The following POU2F1 variants were observed in gnomAD, a reference collection of about 807,000 sequenced individuals.
POU2F1 encodes the protein POU domain, class 2, transcription factor 1.
POU2F1 carries 16 observed loss-of-function variants against 84.9 expected under a neutral mutation model. The ratio of observed to expected loss-of-function variants is 0.19; its 90% CI spans 0.13 to 0.29. The LOEUF is 0.29. Ranked by LOEUF, POU2F1 falls within the 10% of genes least tolerant of loss-of-function variation. POU2F1 has a pLI of 1.00. For missense variants in POU2F1, 738 were observed against 942.6 expected (o/e 0.78, Z 2.84); for synonymous variants, 368 against 368.3 (o/e 1.00, Z 0.01).
chr1:167,321,478 T>TTAA (rs751553481), intron 1 of POU2F1, among the ~76,000 whole-genome samples: 31 of 152,324 alleles, frequency 2.0e-4, no homozygotes, highest in Non-Finnish European at 4.1e-4. Flanking sequence ...TATAACTGAA[T>TTAA]TAATGGCCCT....
intron 7 of POU2F1, chr1:167,379,823 A>G (rs1449962161): frequency 6.6e-6 from 1 of 152,208 alleles, no homozygotes; most frequent in East Asian, 1.9e-4. Flanking sequence ...TTTTATTTCA[A>G]TTTTATTTGT....
At chr1:167,298,146 A>G (rs889726857) in intron 1 of POU2F1, among the ~76,000 whole-genome samples, 2 of 152,040 alleles carry the variant, frequency 1.3e-5, no homozygotes, top group Non-Finnish European at 2.9e-5. Flanking sequence ...CAACAACAAC[A>G]ACAACAAAAA....
intron 8 of POU2F1, among the ~76,000 whole-genome samples, chr1:167,385,152 T>G (rs1029568486): frequency 2.6e-5 from 4 of 152,040 alleles, no homozygotes; most frequent in Non-Finnish European, 5.9e-5. Context: ...GTTCTATAGT[T>G]GAAAACTATA....
intron 7 of POU2F1, among the ~76,000 whole-genome samples, chr1:167,377,715 G>A (rs1660423679): frequency 6.6e-6 from 1 of 152,174 alleles, no homozygotes; most frequent in East Asian, 1.9e-4. Context: ...GGTTTGTTAT[G>A]TAGATAAACT....
intron 1 of POU2F1, among the ~76,000 whole-genome samples, chr1:167,323,294 C>T (rs1320013400): frequency 6.6e-6 from 1 of 152,122 alleles, no homozygotes; most frequent in East Asian, 1.9e-4. Context: ...TTTAATAGAG[C>T]TACACAAAGA....
intron 1 of POU2F1, among the ~76,000 whole-genome samples, chr1:167,240,263 T>A (rs907832146): frequency 6.6e-6 from 1 of 152,196 alleles, no homozygotes; most frequent in African/African-American, 2.4e-5. Context: ...TGTGAAGATA[T>A]GAACCCTGAC....
chr1:167,318,714 G>A (rs1294578213), intron 1 of POU2F1, among the ~76,000 whole-genome samples: 6 of 152,072 alleles, frequency 3.9e-5, no homozygotes, highest in Non-Finnish European at 8.8e-5. Context: ...AAACAGATAG[G>A]CGGACATTCA....
At chr1:167,227,650 G>A (rs1389289814) in intron 1 of POU2F1, among the ~76,000 whole-genome samples, 3 of 152,110 alleles carry the variant, frequency 2.0e-5, no homozygotes, top group Non-Finnish European at 4.4e-5. Context: ...TACCATCCTA[G>A]TCTATAAAAG....
chr1:167,377,483 A>C (rs1307593578), intron 7 of POU2F1, among the ~76,000 whole-genome samples: 1 of 152,206 alleles, frequency 6.6e-6, no homozygotes, highest in East Asian at 1.9e-4. Context: ...GCTACTCAGG[A>C]GGCTGAGGCA....
In POU2F1 at chr1:167,365,521, C is replaced by G. The variant is rs147145536; in HGVS notation, c.182C>G (p.Ala61Gly). The change falls in exon 3 of 16, where the codon GCA (alanine) becomes GGA (glycine). Residue 61 changes from alanine to glycine, a missense_variant. Physicochemically the swap from Ala to Gly is moderately conservative, Grantham distance 60. Coordinates refer to ENST00000367866, the MANE Select transcript of POU2F1 (RefSeq NM_002697.4). The stretch of plus-strand genomic sequence containing the variant: ...AAGCAGCCTGTGCCTGTAGGAGGAG[C>G]AATCTCAACAGCCCAGGCGCAGGCT... The part of the protein sequence containing the change: ...FQKQPVPVGG[A>G]ISTAQAQAFL... The G allele has an allele frequency of 6.2e-7, 1 of 1,602,884 alleles. No homozygotes were observed. The highest frequency in any genetic ancestry group is 8.5e-7 in the Non-Finnish European group (1 of 1,175,180).
intron 1 of POU2F1, among the ~76,000 whole-genome samples, chr1:167,274,786 C>T (rs370044729): frequency 7.9e-5 from 12 of 152,230 alleles, no homozygotes; most frequent in African/African-American, 2.9e-4. Flanking sequence ...AGTAAAGTTA[C>T]GCTTTCTTGT....
At chr1:167,252,051 C>T (rs746505225) in intron 1 of POU2F1, among the ~76,000 whole-genome samples, 2 of 150,942 alleles carry the variant, frequency 1.3e-5, no homozygotes, top group African/African-American at 2.4e-5. Context: ...TAGTAGAGAC[C>T]GGGTTTCACC....
At chr1:167,366,578 G>C (rs1156452014) in intron 3 of POU2F1, among the ~76,000 whole-genome samples, 1 of 152,104 alleles carries the variant, frequency 6.6e-6, no homozygotes, top group Non-Finnish European at 1.5e-5. Context: ...AGACTCAAAT[G>C]GATATCATGT....
intron 1 of POU2F1, among the ~76,000 whole-genome samples, chr1:167,233,454 C>A (rs1350603271): frequency 6.6e-6 from 1 of 152,048 alleles, no homozygotes; most frequent in African/African-American, 2.4e-5. Context: ...TTTTTAAATA[C>A]ACAAATACTT....
chr1:167,396,503 A>G (rs1648817588), intron 10 of POU2F1, 76 bp downstream of exon 10: 7 of 1,454,932 alleles, frequency 4.8e-6, no homozygotes, highest in South Asian at 1.3e-5. Context: ...ATTGGGGTTT[A>G]TATTTCTTAC....
intron 1 of POU2F1, among the ~76,000 whole-genome samples, chr1:167,307,538 A>T (rs1288796980): frequency 6.6e-6 from 1 of 151,252 alleles, no homozygotes; most frequent in African/African-American, 2.4e-5. Context: ...CTGTTTTTTT[A>T]AATTTCAAAA....
At chr1:167,241,364 T>C (rs989082049) in intron 1 of POU2F1, 19 of 152,162 alleles carry the variant, frequency 1.2e-4, no homozygotes. Flanking sequence ...AAATATTTCG[T>C]TTTAAAAGGA....
intron 2 of POU2F1, among the ~76,000 whole-genome samples, chr1:167,352,134 C>T (rs1283371828): frequency 6.6e-6 from 1 of 152,162 alleles, no homozygotes; most frequent in Non-Finnish European, 1.5e-5. Context: ...GCTGTTATCA[C>T]AACTTAATGG....
intron 1 of POU2F1, among the ~76,000 whole-genome samples, chr1:167,238,021 A>G (rs568931981): frequency 2.6e-5 from 4 of 151,658 alleles, no homozygotes; most frequent in Non-Finnish European, 5.9e-5. Context: ...ACCTGAAGTG[A>G]TCTGCCCGCC....
Sources: allele counts gnomAD v4.1 joint callset (sites outside exome capture counted in the v4.1 genomes callset), GRCh38; gene constraint gnomAD v4.1.1; transcripts MANE v1.5; gene names NCBI Gene and HGNC (gene_info 2026-07-23, HGNC 2026-07-21).